TJP2: variants seen among roughly 807,000 people sequenced by gnomAD.
The protein encoded by TJP2 is tight junction protein 2, also known as Friedreich ataxia region gene X104 (tight junction protein ZO-2).
In TJP2, 91 loss-of-function variants were observed where a neutral mutation model predicts 133.1. The ratio of observed to expected loss-of-function variants is 0.68; its 90% CI spans 0.58 to 0.81. TJP2 has a LOEUF of 0.81. Among genes scored for constraint, TJP2 ranks in the 40% least tolerant of loss-of-function variants. TJP2 has a pLI of 0.00. For synonymous variants in TJP2, 592 were observed against 583.4 expected, an observed-to-expected ratio of 1.01 and a Z score of -0.21; for missense variants, 1,541 against 1,565.6, an observed-to-expected ratio of 0.98 and a Z score of 0.26.
chr9:69,140,632 C>G (rs906564732), intron 1 of TJP2, among the ~76,000 whole-genome samples: 13 of 152,062 alleles, frequency 8.5e-5, no homozygotes, highest in African/African-American at 3.1e-4. Context: ...ACTGATATTC[C>G]CCTCACCCAA....
intron 4 of TJP2, chr9:69,218,586 G>A: frequency 1.8e-6 from 1 of 549,808 alleles, no homozygotes; most frequent in East Asian, 3.3e-5. Context: ...GAGTTAGTTT[G>A]CCTTAGGAAC....
intron 7 of TJP2, among the ~76,000 whole-genome samples, chr9:69,226,711 C>G (rs1241564095): frequency 6.6e-6 from 1 of 152,170 alleles, no homozygotes; most frequent in African/African-American, 2.4e-5. Context: ...GTTGGCCAGG[C>G]TGGTCTTGAA....
Position 69,249,494 on chromosome 9 carries a change from C to T in TJP2, c.2991+9C>T, listed in dbSNP as rs1414056058. 2 of 1,595,658 alleles carry T rather than the reference C, an allele frequency of 1.3e-6. No homozygotes were observed. Among genetic ancestry groups the T allele is most frequent in the African/African-American group, 1.3e-5 (1 of 74,566 alleles). ...AGCCAGAGCCGCCCAAGGTACGTGG[C>T]TGGGAAGCCCAGGATGGGAAGGAAG... On this transcript the variant is annotated intron_variant, in intron 20 of 22. Transcript: ENST00000377245.
intron 1 of TJP2, among the ~76,000 whole-genome samples, chr9:69,209,455 A>G (rs1475458849): frequency 6.6e-6 from 1 of 152,076 alleles, no homozygotes; most frequent in African/African-American, 2.4e-5. Context: ...TTCTGTTTCC[A>G]TTTAAGAAAA....
Position 69,221,186 on chromosome 9 carries a change from C to A in TJP2, c.642C>A (p.Asp214Glu). The change falls in exon 5 of 23, where the codon GAC (aspartate) becomes GAA (glutamate). Residue 214 changes from aspartate (D) to glutamate (E), a missense_variant. Coordinates refer to ENST00000377245, the MANE Select transcript of TJP2 (RefSeq NM_004817.4). Reference protein sequence around the residue: ...GLDQDHARTRDRSRGRSLERG... With the variant: ...GLDQDHARTRERSRGRSLERG... Reference sequence around the variant, plus strand: ...ACCAAGACCATGCGCGCACCCGAGACCGCAGCCGTGGCCGGAGCCTGGAGC... The same window carrying A: ...ACCAAGACCATGCGCGCACCCGAGAACGCAGCCGTGGCCGGAGCCTGGAGC... The A allele has an allele frequency of 3.1e-6, 5 of 1,600,310 alleles. No individual in the cohort carries two copies. The highest frequency in any genetic ancestry group is 4.3e-6 in the Non-Finnish European group (5 of 1,173,542).
At chr9:69,213,867 T>TGCC (rs1377635524) in intron 2 of TJP2, among the ~76,000 whole-genome samples, 2 of 152,180 alleles carry the variant, frequency 1.3e-5, no homozygotes, top group Admixed American at 6.5e-5. Flanking sequence ...CTGGTGGTGC[T>TGCC]GCCAAATTCA....
intron 19 of TJP2, chr9:69,248,454 C>T (rs1035690433): frequency 6.5e-6 from 9 of 1,380,600 alleles, no homozygotes; most frequent in Non-Finnish European, 7.5e-6. Context: ...CTCCGCACAC[C>T]CATGCCCTCA....
chr9:69,163,020 A>ATTTTTTTTTT (rs201502981), intron 2 of TJP2, among the ~76,000 whole-genome samples: 1 of 86,014 alleles, frequency 1.2e-5, no homozygotes, highest in African/African-American at 4.3e-5. Flanking sequence ...AAGTATCTTT[A>ATTTTTTTTTT]TTTTATTTTA....
At chr9:69,200,983 C>T (rs1455561841) in intron 1 of TJP2, among the ~76,000 whole-genome samples, 11 of 152,072 alleles carry the variant, frequency 7.2e-5, no homozygotes, top group Non-Finnish European at 1.5e-5. Flanking sequence ...GGCACATATC[C>T]CCTGGCAGCA....
chr9:69,215,923 G>A (rs888392066), intron 2 of TJP2, among the ~76,000 whole-genome samples: 3 of 152,086 alleles, frequency 2.0e-5, no homozygotes, highest in African/African-American at 7.2e-5. Context: ...ATACAATAAG[G>A]AAATCTGAAA....
At chr9:69,137,410 A>G (rs987027668) in intron 1 of TJP2, among the ~76,000 whole-genome samples, 6 of 150,118 alleles carry the variant, frequency 4.0e-5, no homozygotes, top group Non-Finnish European at 7.4e-5. Flanking sequence ...GCTCACTGCA[A>G]CGTGTGCAGT....
intron 4 of TJP2, 65 bp downstream of exon 4, chr9:69,218,424 T>A: frequency 8.5e-7 from 1 of 1,178,762 alleles, no homozygotes; most frequent in Non-Finnish European, 1.3e-6. Flanking sequence ...AGAAGAAAAT[T>A]ACCCCTTGCT....
intron 4 of TJP2, chr9:69,218,684 A>G (rs1241453914): frequency 2.7e-6 from 1 of 371,748 alleles, no homozygotes; most frequent in Admixed American, 4.0e-5. Context: ...TTTCAGCTCA[A>G]AAACTCACTT....
chr9:69,186,496 G>A (rs1048557399), intron 1 of TJP2, among the ~76,000 whole-genome samples: 1 of 152,218 alleles, frequency 6.6e-6, no homozygotes, highest in Non-Finnish European at 1.5e-5. Flanking sequence ...TATATTGACA[G>A]AATTTGGTTT....
In TJP2 at chr9:69,210,292, C is replaced by A. The variant is rs1029533580; in HGVS notation, c.61-2256C>A. ...TGACAGAGTGAGACCCCGTCCCCCC[C>A]CCCCCCCAAAAAAAAAAAAAGTAGC... On this transcript the variant is annotated intron_variant, in intron 1 of 22. Coordinates refer to ENST00000377245, the MANE Select transcript of TJP2 (RefSeq NM_004817.4). 2.2e-4 allele frequency among the ~76,000 whole-genome samples: 10 copies of A among 45,040 alleles called. 1 individual carries two copies. Among genetic ancestry groups the A allele is most frequent in the Admixed American group, 2.1e-3 (9 of 4,252 alleles). The allele number at this position is 45,040 out of a possible 152,430, so 29.5% of individuals were successfully genotyped here. A position where few individuals can be genotyped will look rare whatever the true frequency, so the allele number is the denominator to read the frequency against.
intron 1 of TJP2, among the ~76,000 whole-genome samples, chr9:69,135,961 TA>T (rs1429876901): frequency 6.6e-6 from 1 of 152,178 alleles, no homozygotes; most frequent in African/African-American, 2.4e-5. Context: ...AAGTAAACTC[TA>T]ATATTATTGG....
Position 69,189,924 on chromosome 9 carries a change from G to T in TJP2, c.60+15492G>T, listed in dbSNP as rs1464214705. ...AGATCGAGATCATCCTGGCTAACAC[G>T]GTGAAACCCCGTCTGTACTAAAAAT... On this transcript the variant is annotated intron_variant, in intron 1 of 22. Transcript: ENST00000377245. Among the ~76,000 whole-genome samples the T allele has an allele frequency of 1.8e-5, 2 of 110,834 alleles. 1 individual carries two copies. The highest frequency in any genetic ancestry group is 4.0e-5 in the Non-Finnish European group (2 of 49,432). 72.7% of individuals were successfully genotyped at this position (110,834 alleles called of 152,430 possible). A position where few individuals can be genotyped will look rare whatever the true frequency, so the allele number is the denominator to read the frequency against.
At position 69,249,371 on chromosome 9, in the gene TJP2, G is replaced by GT. The variant is rs751947387; in HGVS notation, c.2881-3dup. The GT allele has an allele frequency of 1.0e-5, 16 of 1,605,036 alleles. No homozygotes were observed. The highest frequency in any genetic ancestry group is 1.1e-5 in the Non-Finnish European group (13 of 1,175,218). On this transcript the variant is annotated splice_region_variant and splice_polypyrimidine_tract_variant and intron_variant, in intron 19 of 22. Transcript: ENST00000377245. The stretch of plus-strand genomic sequence containing the variant: ...TGTTGTGAATGAACCTTTATGTCTT[G>GT]TAGAGCATAAGGAAACCCAGCCCAG...
chr9:69,215,539 C>G (rs1828301902), intron 2 of TJP2, among the ~76,000 whole-genome samples: 1 of 152,040 alleles, frequency 6.6e-6, no homozygotes, highest in Admixed American at 6.6e-5. Flanking sequence ...TGTGCACCAC[C>G]ATGACCAGCT....
Sources: gnomAD v4.1 joint callset for allele counts (sites outside exome capture counted in the v4.1 genomes callset) on GRCh38, gnomAD v4.1.1 for gene constraint, MANE v1.5 for transcripts, NCBI Gene and HGNC (gene_info 2026-07-23, HGNC 2026-07-21) for gene names.